Variants in EML5 observed in about 807,000 individuals in gnomAD.
The protein encoded by EML5 is echinoderm microtubule-associated protein-like 5.
In EML5, 120 loss-of-function variants were observed where a neutral mutation model predicts 250.0. That is an observed-to-expected ratio of 0.48 (90% CI 0.41 to 0.56). The LOEUF (loss-of-function observed/expected upper bound fraction) is 0.56. Among genes scored for constraint, EML5 ranks in the 20% least tolerant of loss-of-function variants. EML5 has a pLI of 0.00. For synonymous variants in EML5, 771 were observed against 806.5 expected (o/e 0.96, Z 0.75); for missense variants, 2,006 against 2,437.6 (o/e 0.82, Z 3.73).
intron 1 of EML5, among the ~76,000 whole-genome samples, chr14:88,788,578 A>T (rs1035566529): frequency 6.6e-6 from 1 of 152,094 alleles, no homozygotes; most frequent in African/African-American, 2.4e-5. Flanking sequence ...CCTACTTAAT[A>T]CATAAACAAT....
rs371921424 is a variant in EML5 at position 88,712,379 on chromosome 14, C to T, written c.1549G>A (p.Asp517Asn). ...EVNGIWPKYS[D>N]INDINSVDGN... ...TCTACTGAATTTATATCGTTGATAT[C>T]TGAATACTTGGGCCAAATTCCATTT... Residue 517 changes from aspartate to asparagine, a missense_variant, in exon 10 of 44, where the codon GAT becomes AAT. By Grantham distance (23) the Asp-to-Asn change is conservative. Coordinates refer to ENST00000554922, the MANE Select transcript of EML5 (RefSeq NM_183387.3). 23 of 1,613,516 alleles carry T rather than the reference C, an allele frequency of 1.4e-5. No homozygotes were observed. The highest frequency in any genetic ancestry group is 1.9e-5 in the Non-Finnish European group (23 of 1,179,638).
chr14:88,756,043 C>T (rs1430223060), intron 1 of EML5, among the ~76,000 whole-genome samples: 3 of 151,984 alleles, frequency 2.0e-5, no homozygotes, highest in African/African-American at 7.3e-5. Flanking sequence ...ATAAAATTAA[C>T]AGATTGGATG....
At chr14:88,695,482 C>A in intron 15 of EML5, 28 bp from the exon 16 acceptor site, 6 of 1,575,692 alleles carry the variant, frequency 3.8e-6, no homozygotes, top group Non-Finnish European at 5.2e-6. Flanking sequence ...GAGAGATAAA[C>A]TGACTATTAA....
chr14:88,705,528 A>G lies in EML5; in HGVS notation c.1886T>C (p.Leu629Pro). The G allele has an allele frequency of 6.2e-7, 1 of 1,604,880 alleles. No homozygotes were observed. The highest frequency in any genetic ancestry group is 8.5e-7 in the Non-Finnish European group (1 of 1,175,222). The change falls in exon 12 of 44, where the codon CTG (leucine) becomes CCG (proline). Residue 629 changes from leucine to proline, a missense_variant. By Grantham distance (98) the Leu-to-Pro change is moderately conservative. Coordinates refer to ENST00000554922, the MANE Select transcript of EML5 (RefSeq NM_183387.3). ...TGTCTCTTGTTCAATTTCAGAATCC[A>G]GTTCTGGAACATCAGACAGATCTGA... ...SDSDLSDVPE[L>P]DSEIEQETQL... is the part of the protein sequence containing the mutation.
chr14:88,692,170 G>A (rs1465471559), intron 17 of EML5, among the ~76,000 whole-genome samples: 1 of 152,122 alleles, frequency 6.6e-6, no homozygotes, highest in East Asian at 1.9e-4. Flanking sequence ...GAGTCAGGGA[G>A]TTCGAGACCA....
At position 88,613,080 on chromosome 14, in the gene EML5, T is replaced by C. The variant is rs1424856721; in HGVS notation, c.*2738A>G. On this transcript the variant is annotated 3_prime_UTR_variant, in exon 44 of 44. Transcript: ENST00000554922. ...ACGTTTAAGATTGTCAAGCCAGCAG[T>C]CTACTGTTGTGTTGCCATTGCTTTT... The C allele has an allele frequency of 6.6e-6, 1 of 152,430 alleles. No homozygotes were observed. Among genetic ancestry groups the C allele is most frequent in the Non-Finnish European group, 1.5e-5 (1 of 68,040 alleles). The allele number at this position is 152,430 out of a possible 1,614,324, so 9.4% of individuals were successfully genotyped here.
At chr14:88,682,155 A>C (rs191979967) in intron 20 of EML5, 124 bp from the exon 21 acceptor site, 38 of 1,007,452 alleles carry the variant, frequency 3.8e-5, no homozygotes, top group Non-Finnish European at 4.9e-5. Flanking sequence ...ATAGTGAGTA[A>C]ATCTATCAAA....
rs560890548 is a variant in EML5 at position 88,695,299 on chromosome 14, A to T, written c.2438+62T>A. The T allele has an allele frequency of 5.7e-4, 788 of 1,375,518 alleles. 10 individuals are homozygous for T. In the South Asian group the frequency reaches 0.01, roughly 18 times the overall value. 85.2% of individuals were successfully genotyped at this position (1,375,518 alleles called of 1,614,324 possible). A position where few individuals can be genotyped will look rare whatever the true frequency, so the allele number is the denominator to read the frequency against. ...GATTTCAAAATTCTTTTAATTAAAA[A>T]TTTTTTTAAGTCCAAAGTAATTCTA... On this transcript the variant is annotated intron_variant, in intron 16 of 43. Transcript: ENST00000554922.
intron 7 of EML5, among the ~76,000 whole-genome samples, chr14:88,730,897 T>C (rs1389676458): frequency 6.6e-6 from 1 of 152,208 alleles, no homozygotes; most frequent in African/African-American, 2.4e-5. Flanking sequence ...AAGCCTGTGC[T>C]TATTCATTGT....
intron 17 of EML5, among the ~76,000 whole-genome samples, chr14:88,690,998 G>T (rs187994910): frequency 1.1e-4 from 17 of 152,212 alleles, no homozygotes; most frequent in Non-Finnish European, 2.1e-4. Context: ...TCTGCACCCA[G>T]GGTCTGCCTC....
chr14:88,740,602 CA>C (rs1239142049), intron 4 of EML5, 30 bp from the exon 5 acceptor site: 1 of 1,487,790 alleles, frequency 6.7e-7, no homozygotes, highest in Admixed American at 2.1e-5. Context: ...ATCAAATTAC[CA>C]AAGAATTCTT....
At position 88,792,280 on chromosome 14, in the gene EML5, A is replaced by T. The variant is rs1382670112; in HGVS notation, c.197+27T>A. 5 of 1,542,514 alleles carry T rather than the reference A, an allele frequency of 3.2e-6. No individual in the cohort carries two copies. The South Asian group carries it at 6.0e-5, about 18-fold the overall frequency. On this transcript the variant is annotated intron_variant, in intron 1 of 43. Transcript: ENST00000554922. This position sits in a 1 kb window ranked among gnomAD's most constrained non-coding sequence, Gnocchi z 6.9. ...AACTCCGGGAGCGGCTTGCAGGGTG[A>T]CGGCGGCGGCCCCCGCTCCCCGGTA...
rs766372647 is a variant in EML5, at chr14:88,616,185, T to C, written c.5854A>G (p.Ser1952Gly). Residue 1952 changes from serine (S) to glycine (G), a missense_variant, in exon 43 of 44, where the codon AGT becomes GGT. Ser to Gly is a moderately conservative substitution (Grantham distance 56). Transcript: ENST00000554922. ...SPHVTNIRFT[S>G]GDRHVVSAGG... ...GCACTAACAACATGTCGATCACCAC[T>C]GGTAAATCGAATATTTGTCACATGG... 3 of 1,613,832 alleles carry C rather than the reference T, an allele frequency of 1.9e-6. No individual in the cohort carries two copies. The highest frequency in any genetic ancestry group is 2.7e-5 in the African/African-American group (2 of 74,938).
intron 21 of EML5, among the ~76,000 whole-genome samples, chr14:88,678,751 C>T (rs2092653248): frequency 6.6e-6 from 1 of 152,102 alleles, no homozygotes; most frequent in African/African-American, 2.4e-5. Flanking sequence ...TAAAGGTCAA[C>T]TAAGCAAAAC....
intron 2 of EML5, among the ~76,000 whole-genome samples, chr14:88,752,054 G>A (rs1316361793): frequency 6.6e-6 from 1 of 152,098 alleles, no homozygotes; most frequent in Non-Finnish European, 1.5e-5. Context: ...ATGTTTTTAT[G>A]AACTTAAAAT....
At chr14:88,761,148 CT>C (rs2094235658) in intron 1 of EML5, among the ~76,000 whole-genome samples, 1 of 151,980 alleles carries the variant, frequency 6.6e-6, no homozygotes, top group African/African-American at 2.4e-5. Context: ...TTCTATAAGC[CT>C]TTTTATTTCT....
chr14:88,618,678 T>C lies in EML5; in HGVS notation c.5510A>G (p.Asp1837Gly). The change falls in exon 40 of 44, where the codon GAC (aspartate) becomes GGC (glycine). Residue 1837 changes from aspartate (D) to glycine (G), a missense_variant. By Grantham distance (94) the Asp-to-Gly change is moderately conservative. This residue lies in a region of EML5 where 405 missense variants were observed against 523.3 expected (regional missense o/e 0.77). Coordinates refer to ENST00000554922, the MANE Select transcript of EML5 (RefSeq NM_183387.3). The stretch of plus-strand genomic sequence containing the variant: ...GAGATAACTGCTATCTGCAGAGAAG[T>C]CCATTTGAATGACAAAGCTTGGAAT... ...KDIPSFVIQM[D>G]FSADSSYLQV... 1 of 1,612,952 alleles carries C rather than the reference T, an allele frequency of 6.2e-7. No individual in the cohort carries two copies. Among genetic ancestry groups the C allele is most frequent in the Non-Finnish European group, 8.5e-7 (1 of 1,179,504 alleles).
chr14:88,615,892 G>A (rs765954003), intron 43 of EML5, 38 bp from the exon 44 acceptor site: 2 of 1,591,698 alleles, frequency 1.3e-6, no homozygotes, highest in East Asian at 2.2e-5. Flanking sequence ...AGTTAATTAT[G>A]TTTTTAGATT....
At chr14:88,757,446 CA>C (rs34410354) in intron 1 of EML5, among the ~76,000 whole-genome samples, 9,577 of 142,454 alleles carry the variant, frequency 0.067, 459 homozygotes, top group African/African-American at 0.14. Flanking sequence ...GCATTAGTGA[CA>C]AAAAAAAAAG....
Sources: allele counts gnomAD v4.1 joint callset (sites outside exome capture counted in the v4.1 genomes callset), GRCh38; gene constraint gnomAD v4.1.1; regional missense constraint gnomAD v4.1.1; non-coding constraint Gnocchi (gnomAD v3.1); transcripts MANE v1.5; gene names NCBI Gene and HGNC (gene_info 2026-07-23, HGNC 2026-07-21).